Variants in ADAM18 observed in about 807,000 individuals in gnomAD.
The protein encoded by ADAM18 is disintegrin and metalloproteinase domain-containing protein 18.
ADAM18 carries 117 observed loss-of-function variants against 94.4 expected under a neutral mutation model. The ratio of observed to expected loss-of-function variants is 1.24; its 90% CI spans 1.07 to 1.45. The LOEUF (loss-of-function observed/expected upper bound fraction) is 1.45. Among genes scored for constraint, ADAM18 ranks in the 40% most tolerant of loss-of-function variants. The probability of loss-of-function intolerance (pLI) is 0.00; values close to 1 mark genes in which losing one functional copy is unlikely to be tolerated. For missense variants in ADAM18, 936 were observed against 880.0 expected (o/e 1.06, Z -0.81); for synonymous variants, 327 against 291.6 (o/e 1.12, Z -1.24).
intron 17 of ADAM18, among the ~76,000 whole-genome samples, chr8:39,697,262 T>C (rs1821952017): frequency 6.6e-6 from 1 of 151,664 alleles, no homozygotes. Flanking sequence ...TAAGATGTTT[T>C]TGTGGGATTT....
chr8:39,698,173 A>G (rs1289717476), intron 17 of ADAM18, among the ~76,000 whole-genome samples: 1 of 151,536 alleles, frequency 6.6e-6, no homozygotes, highest in East Asian at 1.9e-4. Context: ...GCTATTTTCT[A>G]GTTCTATTAT....
intron 18 of ADAM18, among the ~76,000 whole-genome samples, chr8:39,712,038 C>A (rs1822420666): frequency 1.4e-5 from 2 of 145,998 alleles, no homozygotes; most frequent in Non-Finnish European, 3.0e-5. Context: ...GAAGGCCCCC[C>A]CCCGAGAAAA....
intron 17 of ADAM18, among the ~76,000 whole-genome samples, chr8:39,706,463 A>G (rs1400644372): frequency 6.6e-6 from 1 of 152,128 alleles, no homozygotes; most frequent in Non-Finnish European, 1.5e-5. Flanking sequence ...TTACTAAATA[A>G]CAGTCATTTA....
At chr8:39,658,463 G>A (rs1003837937) in intron 12 of ADAM18, among the ~76,000 whole-genome samples, 2 of 152,052 alleles carry the variant, frequency 1.3e-5, no homozygotes, top group Non-Finnish European at 2.9e-5. Flanking sequence ...TGGCTTTAAA[G>A]ATAGAGGAAA....
At chr8:39,670,681 G>T (rs374698687) in intron 14 of ADAM18, among the ~76,000 whole-genome samples, 1 of 152,222 alleles carries the variant, frequency 6.6e-6, no homozygotes, top group South Asian at 2.1e-4. Context: ...TAAAACAAAA[G>T]AAATATAAAA....
At chr8:39,628,996 T>C (rs1819855356) in intron 6 of ADAM18, among the ~76,000 whole-genome samples, 1 of 152,094 alleles carries the variant, frequency 6.6e-6, no homozygotes, top group African/African-American at 2.4e-5. Context: ...TTCCTATATC[T>C]TTATGAATGG....
chr8:39,593,295 A>G (rs951679528), intron 2 of ADAM18, among the ~76,000 whole-genome samples: 1 of 152,116 alleles, frequency 6.6e-6, no homozygotes, highest in Non-Finnish European at 1.5e-5. Context: ...TTCTTGAGTA[A>G]TGTTGCTAAA....
intron 16 of ADAM18, among the ~76,000 whole-genome samples, chr8:39,689,736 T>C (rs970418318): frequency 6.6e-6 from 1 of 152,184 alleles, no homozygotes; most frequent in South Asian, 2.1e-4. Context: ...CTGTGAAGAA[T>C]CTCAGTGGTG....
chr8:39,598,010 A>G (rs904140866), intron 2 of ADAM18, among the ~76,000 whole-genome samples: 2 of 152,184 alleles, frequency 1.3e-5, no homozygotes, highest in African/African-American at 4.8e-5. Flanking sequence ...ATTTGTATCT[A>G]AATATTTTGA....
At chr8:39,711,547 C>A (rs1822400748) in intron 18 of ADAM18, among the ~76,000 whole-genome samples, 1 of 151,938 alleles carries the variant, frequency 6.6e-6, no homozygotes, top group Non-Finnish European at 1.5e-5. Context: ...ATGAGAATAT[C>A]AATAGAGATA....
rs535400498 is a variant in ADAM18, at chr8:39,612,910, C to A, written c.522+2204C>A. ...CCACCACTTTGTTGGTGCACACTCA[C>A]CCATAGCCTCCCCCATTATTTTTCT... On this transcript the variant is annotated intron_variant, in intron 6 of 19. Transcript: ENST00000265707. Among the ~76,000 whole-genome samples, 4 of 152,268 alleles carry A rather than the reference C, an allele frequency of 2.6e-5. No homozygotes were observed. In the East Asian group the frequency reaches 7.7e-4, roughly 29 times the overall value.
intron 14 of ADAM18, among the ~76,000 whole-genome samples, chr8:39,674,304 C>T (rs1334455588): frequency 6.6e-6 from 1 of 152,078 alleles, no homozygotes; most frequent in Admixed American, 6.6e-5. Context: ...AATCTGGGTG[C>T]TCCTGTATTG....
intron 6 of ADAM18, 144 bp downstream of exon 6, chr8:39,610,850 C>G (rs892294433): frequency 1.6e-6 from 2 of 1,272,152 alleles, no homozygotes; most frequent in Admixed American, 3.8e-5. Flanking sequence ...AACATTGAAA[C>G]TTCATCTAAA....
At chr8:39,601,610 TATAATTGG>T (rs1818905772) in intron 2 of ADAM18, among the ~76,000 whole-genome samples, 1 of 152,226 alleles carries the variant, frequency 6.6e-6, no homozygotes, top group African/African-American at 2.4e-5. Context: ...TCTGTGGGCA[TATAATTGG>T]GTCTTGGTTT....
chr8:39,690,135 G>A (rs1563308023), intron 16 of ADAM18, among the ~76,000 whole-genome samples: 1 of 152,180 alleles, frequency 6.6e-6, no homozygotes, highest in Admixed American at 6.5e-5. Context: ...TTGAGGTTGA[G>A]CTCCAGTTGG....
chr8:39,688,354 A>C (rs188326782), intron 16 of ADAM18, among the ~76,000 whole-genome samples: 3 of 152,200 alleles, frequency 2.0e-5, no homozygotes, highest in Middle Eastern at 3.4e-3. Context: ...AGTACCCATT[A>C]GTTCTTTTTT....
At chr8:39,617,459 T>C (rs1819476250) in intron 6 of ADAM18, among the ~76,000 whole-genome samples, 1 of 152,090 alleles carries the variant, frequency 6.6e-6, no homozygotes, top group Non-Finnish European at 1.5e-5. Flanking sequence ...CATGGAACTA[T>C]CATTCGACCC....
intron 16 of ADAM18, among the ~76,000 whole-genome samples, chr8:39,681,257 T>C (rs1360311859): frequency 3.3e-5 from 5 of 152,160 alleles, no homozygotes; most frequent in South Asian, 4.1e-4. Flanking sequence ...AGGAAAGCAA[T>C]TGTGGGACAG....
intron 12 of ADAM18, among the ~76,000 whole-genome samples, chr8:39,661,713 T>C (rs1292354127): frequency 6.6e-6 from 1 of 152,010 alleles, no homozygotes; most frequent in South Asian, 2.1e-4. Flanking sequence ...TCCCTCTATA[T>C]GCTGTGAAAT....
Sources: gnomAD v4.1 joint callset for allele counts (sites outside exome capture counted in the v4.1 genomes callset) on GRCh38, gnomAD v4.1.1 for gene constraint, MANE v1.5 for transcripts, NCBI Gene and HGNC (gene_info 2026-07-23, HGNC 2026-07-21) for gene names.